ARHGAP42: variants seen among roughly 807,000 people sequenced by gnomAD.
ARHGAP42 encodes rho GTPase-activating protein 42.
A neutral mutation model predicts 125.0 loss-of-function variants in ARHGAP42; 63 were observed. The ratio of observed to expected loss-of-function variants is 0.50; its 90% confidence interval spans 0.41 to 0.62. The LOEUF is 0.62. Ranked by LOEUF, ARHGAP42 falls within the 20% of genes least tolerant of loss-of-function variation. The pLI is 0.00. For missense variants in ARHGAP42, 766 were observed against 1,024.2 expected (o/e 0.75, Z 3.44); for synonymous variants, 339 against 351.0 (o/e 0.97, Z 0.38).
intron 6 of ARHGAP42, among the ~76,000 whole-genome samples, chr11:100,932,555 A>G (rs531103992): frequency 6.6e-6 from 1 of 152,318 alleles, no homozygotes; most frequent in South Asian, 2.1e-4. Context: ...ATGACTTTGT[A>G]AAGATTTCAC....
intron 3 of ARHGAP42, among the ~76,000 whole-genome samples, chr11:100,832,729 ACTG>A (rs1433527959): frequency 6.6e-6 from 1 of 152,184 alleles, no homozygotes; most frequent in Non-Finnish European, 1.5e-5. Context: ...CTCCTAAGTT[ACTG>A]CTATCTTGAC....
At position 100,777,227 on chromosome 11, in the gene ARHGAP42, C is replaced by T. The variant is rs139712572; in HGVS notation, c.250+6789C>T. On this transcript the variant is annotated intron_variant, in intron 2 of 23. Transcript: ENST00000298815. Reference sequence around the variant, plus strand: ...ATAGTGGCAATTCAAGTCACAGGGGCTTTACTATGTCTTCCTGTGCTGGCA... The same window carrying T: ...ATAGTGGCAATTCAAGTCACAGGGGTTTTACTATGTCTTCCTGTGCTGGCA... 2.0e-3 allele frequency among the ~76,000 whole-genome samples: 298 copies of T among 152,256 alleles called. 2 individuals carry two copies. Among genetic ancestry groups the T allele is most frequent in the African/African-American group, 6.7e-3 (277 of 41,552 alleles).
At chr11:100,960,752 A>G (rs1329006922) in intron 13 of ARHGAP42, among the ~76,000 whole-genome samples, 163 bp from the exon 14 acceptor site, 1 of 152,166 alleles carries the variant, frequency 6.6e-6, no homozygotes, top group African/African-American at 2.4e-5. Flanking sequence ...GCTCTGAGAA[A>G]TAGAAGTCTG....
rs1038579011 is a variant in ARHGAP42, at chr11:100,848,502, C to G, written c.313-11052C>G. ...AAGGAGCTAACTTTTCTTTTTCTTT[C>G]TTTCTTTTTTTTTTTTCCTGAGGTG... is the stretch of plus-strand genomic sequence containing the variant. On this transcript the variant is annotated intron_variant, in intron 3 of 23. Coordinates refer to ENST00000298815, the MANE Select transcript of ARHGAP42 (RefSeq NM_152432.4). Among the ~76,000 whole-genome samples, 8 of 150,642 alleles carry G rather than the reference C, an allele frequency of 5.3e-5. 1 individual carries two copies. Among genetic ancestry groups the G allele is most frequent in the Admixed American group, 3.3e-4 (5 of 15,112 alleles).
rs141517111 is a variant in ARHGAP42, at chr11:100,687,416, C to T, written c.-263C>T. Among the ~76,000 whole-genome samples, 1 of 151,970 alleles carries T rather than the reference C, an allele frequency of 6.6e-6. No homozygotes were observed. Among genetic ancestry groups the T allele is most frequent in the Non-Finnish European group, 1.5e-5 (1 of 67,940 alleles). On this transcript the variant is annotated 5_prime_UTR_variant, in exon 1 of 24. Transcript: ENST00000298815. ...CGCCCCCGCGTTCCGAACGACGATG[C>T]GTCCAGATGACAACAACCTGAGGGG...
At position 100,988,803 on chromosome 11, in the gene ARHGAP42, A is replaced by G. The variant is rs991846494; in HGVS notation, c.*2A>G. The G allele has an allele frequency of 6.5e-7, 1 of 1,539,504 alleles. No homozygotes were observed. Among genetic ancestry groups the G allele is most frequent in the African/African-American group, 1.4e-5 (1 of 72,780 alleles). On this transcript the variant is annotated 3_prime_UTR_variant, in exon 24 of 24. Transcript: ENST00000298815. ...GAAAATTATGTTGTCTTCCTCTAAT[A>G]CTATTTAGTGGATGGCAGTATCTTC... is the stretch of plus-strand genomic sequence containing the variant.
chr11:100,984,294 T>G (rs551758326), intron 22 of ARHGAP42, among the ~76,000 whole-genome samples: 2 of 152,004 alleles, frequency 1.3e-5, no homozygotes, highest in African/African-American at 4.8e-5. Context: ...AATAGCATTA[T>G]CTATAGTTGC....
chr11:100,726,204 G>A (rs938627643), intron 1 of ARHGAP42, among the ~76,000 whole-genome samples: 1 of 152,076 alleles, frequency 6.6e-6, no homozygotes, highest in African/African-American at 2.4e-5. Flanking sequence ...AAGAAGAGAT[G>A]TAACGAGCAA....
At chr11:100,883,826 G>C (rs756012397) in intron 4 of ARHGAP42, among the ~76,000 whole-genome samples, 12 of 152,120 alleles carry the variant, frequency 7.9e-5, no homozygotes, top group Non-Finnish European at 1.8e-4. Flanking sequence ...GAAAGTAGAG[G>C]GGTTCCCTGG....
chr11:100,726,255 C>T (rs1262967220), intron 1 of ARHGAP42, among the ~76,000 whole-genome samples: 1 of 152,156 alleles, frequency 6.6e-6, no homozygotes, highest in Non-Finnish European at 1.5e-5. Flanking sequence ...ATCCCCAAGT[C>T]TAAAGCAAGG....
intron 4 of ARHGAP42, among the ~76,000 whole-genome samples, chr11:100,905,134 C>G (rs1000155970): frequency 6.6e-6 from 1 of 152,124 alleles, no homozygotes; most frequent in Non-Finnish European, 1.5e-5. Context: ...TCTTGCTATC[C>G]CATCTCCATT....
At chr11:100,880,382 C>T (rs1372396216) in intron 4 of ARHGAP42, among the ~76,000 whole-genome samples, 2 of 152,196 alleles carry the variant, frequency 1.3e-5, no homozygotes, top group Non-Finnish European at 2.9e-5. Flanking sequence ...AGTTACTTCA[C>T]TTAGAATAAT....
chr11:100,927,749 G>T (rs1265469008), intron 6 of ARHGAP42, among the ~76,000 whole-genome samples: 2 of 152,148 alleles, frequency 1.3e-5, no homozygotes, highest in East Asian at 3.9e-4. Context: ...CCTCTTGAAT[G>T]CTTACAAATC....
intron 3 of ARHGAP42, among the ~76,000 whole-genome samples, chr11:100,837,094 G>T (rs1367311309): frequency 6.6e-6 from 1 of 151,892 alleles, no homozygotes; most frequent in African/African-American, 2.4e-5. Context: ...AAAATTTCAA[G>T]AATAGAAAGA....
intron 1 of ARHGAP42, among the ~76,000 whole-genome samples, chr11:100,699,518 T>TTGAGA (rs1861361488): frequency 1.2e-5 from 1 of 82,688 alleles, no homozygotes; most frequent in South Asian, 4.9e-4. Context: ...TTTTTTTTTT[T>TTGAGA]TTTTTTTTTT....
At chr11:100,743,491 C>T (rs1038115047) in intron 1 of ARHGAP42, among the ~76,000 whole-genome samples, 6 of 152,126 alleles carry the variant, frequency 3.9e-5, no homozygotes, top group African/African-American at 1.4e-4. Context: ...TCACCACTCT[C>T]AGAATGCTTT....
chr11:100,986,934 T>A (rs1565308486), intron 22 of ARHGAP42, among the ~76,000 whole-genome samples: 1 of 152,100 alleles, frequency 6.6e-6, no homozygotes, highest in Non-Finnish European at 1.5e-5. Flanking sequence ...CTTCTCTTGT[T>A]AAGGATGGGT....
At chr11:100,717,471 A>G (rs1861683156) in intron 1 of ARHGAP42, among the ~76,000 whole-genome samples, 1 of 152,094 alleles carries the variant, frequency 6.6e-6, no homozygotes, top group South Asian at 2.1e-4. Context: ...CCCCGTCTCT[A>G]CTAAAAATAC....
intron 4 of ARHGAP42, among the ~76,000 whole-genome samples, chr11:100,911,533 C>T (rs1460948461): frequency 6.6e-6 from 1 of 151,782 alleles, no homozygotes; most frequent in African/African-American, 2.4e-5. Flanking sequence ...GAGGGAATGA[C>T]CTAGAGAGAG....
Sources: allele counts gnomAD v4.1 joint callset (sites outside exome capture counted in the v4.1 genomes callset), GRCh38; gene constraint gnomAD v4.1.1; transcripts MANE v1.5; gene names NCBI Gene and HGNC (gene_info 2026-07-23, HGNC 2026-07-21).